The following EDEM3 variants were observed in gnomAD, a reference collection of about 807,000 sequenced individuals.
EDEM3 encodes the protein ER degradation-enhancing alpha-mannosidase-like protein 3.
Under a neutral mutation model 110.2 loss-of-function variants are expected in EDEM3, and 60 were observed. The observed-to-expected ratio is 0.54, with a 90% CI of 0.44 to 0.67. EDEM3 has a LOEUF of 0.67. EDEM3 is among the 30% of genes least tolerant of loss of function. The pLI, the probability that EDEM3 is intolerant of heterozygous loss-of-function variation, is 0.00. For synonymous variants in EDEM3, 352 were observed against 382.9 expected (o/e 0.92, Z 0.94); for missense variants, 996 against 1,121.0 (o/e 0.89, Z 1.59).
intron 19 of EDEM3, among the ~76,000 whole-genome samples, chr1:184,701,278 T>C (rs1031008659): frequency 3.9e-5 from 6 of 152,104 alleles, no homozygotes; most frequent in African/African-American, 1.4e-4. Flanking sequence ...TGTATGGACA[T>C]AGACATAGAA....
In EDEM3 at chr1:184,726,331, G is replaced by A; in HGVS notation, c.671C>T (p.Thr224Ile). 6.2e-7 allele frequency: 1 copy of A among 1,613,868 alleles called. No individual in the cohort carries two copies. The highest frequency in any genetic ancestry group is 1.7e-4 in the Middle Eastern group (1 of 6,060). The change falls in exon 7 of 20, where the codon ACC becomes ATC. Residue 224 changes from threonine (T) to isoleucine (I), a missense_variant. Coordinates refer to ENST00000318130, the MANE Select transcript of EDEM3 (RefSeq NM_025191.4). The part of the protein sequence containing the change: ...PEARTGTETD[T>I]CTACAGTLIL... ...CAAGGTACCTGCACAAGCTGTACAG[G>A]TATCTGTCTCAGTTCCTGTCCGAGC... is the stretch of plus-strand genomic sequence containing the variant.
intron 9 of EDEM3, among the ~76,000 whole-genome samples, chr1:184,720,335 C>T (rs926146482): frequency 4.0e-5 from 6 of 151,848 alleles, no homozygotes; most frequent in African/African-American, 1.5e-4. Flanking sequence ...AGGTTAAAGG[C>T]ACTGCTCTAA....
chr1:184,700,076 T>C (rs1649535743), intron 19 of EDEM3, among the ~76,000 whole-genome samples: 4 of 151,958 alleles, frequency 2.6e-5, no homozygotes, highest in African/African-American at 9.7e-5. Flanking sequence ...GTGGATAGCT[T>C]AACTTTCAGA....
At chr1:184,697,108 T>C (rs1043362237) in intron 19 of EDEM3, among the ~76,000 whole-genome samples, 42 of 151,832 alleles carry the variant, frequency 2.8e-4, no homozygotes, top group African/African-American at 9.4e-4. Flanking sequence ...TAACAATAAA[T>C]AGTTAAAATA....
At chr1:184,713,422 A>G (rs1039341290) in intron 13 of EDEM3, among the ~76,000 whole-genome samples, 4 of 152,248 alleles carry the variant, frequency 2.6e-5, no homozygotes, top group Admixed American at 2.0e-4. Context: ...ATTTAATGTT[A>G]TAATGTTTTA....
intron 19 of EDEM3, among the ~76,000 whole-genome samples, chr1:184,698,719 T>C (rs1317848058): frequency 6.6e-6 from 1 of 151,740 alleles, no homozygotes. Flanking sequence ...AACTATTCTA[T>C]GCAGCACTAT....
rs1158417230 is a variant in EDEM3 at position 184,693,114 on chromosome 1, TG to T, written c.*948del. 2 of 155,214 alleles carry T rather than the reference TG, an allele frequency of 1.3e-5. No homozygotes were observed. Among genetic ancestry groups the T allele is most frequent in the East Asian group, 3.9e-4 (2 of 5,192 alleles). The allele number at this position is 155,214 out of a possible 1,614,324, so 9.6% of individuals were successfully genotyped here. ...ATAGCTGTTGGCGATACGAGCCTTG[TG>T]GCTCAAATTGCATACCAAACATGGG... On this transcript the variant is annotated 3_prime_UTR_variant, in exon 20 of 20. Transcript: ENST00000318130.
chr1:184,753,465 T>C (rs956671519), intron 1 of EDEM3, among the ~76,000 whole-genome samples: 1 of 151,758 alleles, frequency 6.6e-6, no homozygotes, highest in African/African-American at 2.4e-5. Context: ...TGGATCTATC[T>C]CTGCATTAAG....
intron 1 of EDEM3, among the ~76,000 whole-genome samples, chr1:184,751,863 C>T (rs774629121): frequency 7.2e-5 from 11 of 152,232 alleles, no homozygotes; most frequent in Non-Finnish European, 1.5e-4. Flanking sequence ...AGCGATTCTT[C>T]CTGCCTCAGC....
Position 184,735,580 on chromosome 1 carries a change from T to G in EDEM3, c.346-937A>C, listed in dbSNP as rs867139892. Among the ~76,000 whole-genome samples the G allele has an allele frequency of 5.3e-5, 8 of 152,348 alleles. No individual in the cohort carries two copies. In the South Asian group the frequency reaches 1.7e-3, roughly 32 times the overall value. ...ATAATAATTTGTTGTGCTTTTTCACTTGATTTGATACGTAAAAATTCTAAT... is the reference window on the plus strand; with the variant it reads ...ATAATAATTTGTTGTGCTTTTTCACGTGATTTGATACGTAAAAATTCTAAT... On this transcript the variant is annotated intron_variant, in intron 4 of 19. Coordinates refer to ENST00000318130, the MANE Select transcript of EDEM3 (RefSeq NM_025191.4).
At chr1:184,700,694 G>T (rs1026303786) in intron 19 of EDEM3, among the ~76,000 whole-genome samples, 9 of 152,034 alleles carry the variant, frequency 5.9e-5, no homozygotes, top group African/African-American at 2.2e-4. Flanking sequence ...TCTGATGCAG[G>T]GGAGAAACAC....
intron 16 of EDEM3, among the ~76,000 whole-genome samples, chr1:184,709,959 C>T (rs994533316): frequency 3.5e-4 from 54 of 152,158 alleles, no homozygotes; most frequent in African/African-American, 1.3e-3. Context: ...TTTTCCTAGG[C>T]ACAGACAAAT....
rs114083192 is a variant in EDEM3, at chr1:184,734,900, T to G, written c.346-257A>C. Among the ~76,000 whole-genome samples the G allele has an allele frequency of 2.8e-3, 434 of 152,334 alleles. 5 individuals are homozygous for G. In the East Asian group the frequency reaches 0.036, roughly 13 times the overall value. The stretch of plus-strand genomic sequence containing the variant: ...ACTTTGAAGCTACCATCATCAGACC[T>G]GTTAACTGGATTCTTAATGACCCAG... On this transcript the variant is annotated intron_variant, in intron 4 of 19. Coordinates refer to ENST00000318130, the MANE Select transcript of EDEM3 (RefSeq NM_025191.4).
intron 1 of EDEM3, among the ~76,000 whole-genome samples, chr1:184,750,561 A>G (rs535718184): frequency 1.3e-3 from 198 of 147,488 alleles, no homozygotes; most frequent in African/African-American, 4.8e-3. Flanking sequence ...CACCTAGGCT[A>G]GAGTGCAGTG....
At position 184,749,419 on chromosome 1, in the gene EDEM3, G is replaced by C. The variant is rs188821675; in HGVS notation, c.204+128C>G. ...AACCACTACCAGAAAGACTATTTTTGCCCTGTTTTTTAAAAACTTCCTTTT... is the reference window on the plus strand; with the variant it reads ...AACCACTACCAGAAAGACTATTTTTCCCCTGTTTTTTAAAAACTTCCTTTT... On this transcript the variant is annotated intron_variant, in intron 2 of 19. Coordinates refer to ENST00000318130, the MANE Select transcript of EDEM3 (RefSeq NM_025191.4). The C allele has an allele frequency of 2.1e-5, 15 of 699,356 alleles. 1 individual carries two copies. In the East Asian group the frequency reaches 4.7e-4, roughly 22 times the overall value. The allele number at this position is 699,356 out of a possible 1,614,324, so 43.3% of individuals were successfully genotyped here. A position where few individuals can be genotyped will look rare whatever the true frequency, so the allele number is the denominator to read the frequency against.
chr1:184,723,882 A>C, intron 7 of EDEM3, 26 bp from the exon 8 acceptor site: 1 of 1,505,270 alleles, frequency 6.6e-7, no homozygotes, highest in Non-Finnish European at 8.9e-7. Context: ...AAAAAAAAAA[A>C]AAAGAAGTGC....
In EDEM3 at chr1:184,710,525, C is replaced by T. The variant is rs755106982; in HGVS notation, c.1714G>A (p.Ala572Thr). Residue 572 changes from alanine (A) to threonine (T), a missense_variant, in exon 16 of 20, where the codon GCT becomes ACT. Physicochemically the swap from Ala to Thr is moderately conservative, Grantham distance 58. Around this residue, in one of 5 missense-constraint regions of EDEM3, gnomAD observed 138 missense variants for 124.3 expected, o/e 1.11. Transcript: ENST00000318130. Reference sequence around the variant, plus strand: ...TCTCTGGCTCTCAGAGGGGGTTTAGCTCCACTCCTGAAACTCTCCTCTCTG... The same window carrying T: ...TCTCTGGCTCTCAGAGGGGGTTTAGTTCCACTCCTGAAACTCTCCTCTCTG... Reference protein sequence around the residue: ...IRVEESFRSGAKPPLRARDFM... With the variant: ...IRVEESFRSGTKPPLRARDFM... The T allele has an allele frequency of 2.6e-5, 42 of 1,613,128 alleles. No homozygotes were observed. The highest frequency in any genetic ancestry group is 1.0e-4 in the Admixed American group (6 of 59,902).
intron 11 of EDEM3, 131 bp downstream of exon 11, chr1:184,719,027 AAAAT>A (rs1650717841): frequency 2.1e-6 from 1 of 468,060 alleles, no homozygotes; most frequent in Non-Finnish European, 3.6e-6. Flanking sequence ...TAATAGGAAA[AAAAT>A]AAAAAGAACC....
At chr1:184,703,996 A>T (rs949801886) in intron 18 of EDEM3, among the ~76,000 whole-genome samples, 2 of 152,218 alleles carry the variant, frequency 1.3e-5, no homozygotes, top group African/African-American at 4.8e-5. Flanking sequence ...AGCAGGGAAG[A>T]AAAGTTCAGA....
Sources: allele counts gnomAD v4.1 joint callset (sites outside exome capture counted in the v4.1 genomes callset), GRCh38; gene constraint gnomAD v4.1.1; regional missense constraint gnomAD v4.1.1; transcripts MANE v1.5; gene names NCBI Gene and HGNC (gene_info 2026-07-23, HGNC 2026-07-21).